Variants in CADM1 observed in about 807,000 individuals in gnomAD.
CADM1 encodes the protein cell adhesion molecule 1, also known as TSLC-1.
A neutral mutation model predicts 53.1 loss-of-function variants in CADM1; 15 were observed. That is an observed-to-expected ratio of 0.28 (90% CI 0.19 to 0.44). The LOEUF (loss-of-function observed/expected upper bound fraction) is 0.44, where lower values mean the gene tolerates loss of function less well. CADM1 is among the 20% of genes least tolerant of loss of function. The pLI is 1.00. For missense variants in CADM1, 434 were observed against 611.3 expected (o/e 0.71, Z 3.06); for synonymous variants, 281 against 243.0 (o/e 1.16, Z -1.45).
chr11:115,289,130 C>T (rs1458483843), intron 1 of CADM1, among the ~76,000 whole-genome samples: 4 of 152,076 alleles, frequency 2.6e-5, no homozygotes, highest in Admixed American at 6.5e-5. Context: ...TCTGAGAGGC[C>T]GAGGCGGGCA....
chr11:115,275,862 T>A (rs552836039), intron 1 of CADM1, among the ~76,000 whole-genome samples: 1 of 152,336 alleles, frequency 6.6e-6, no homozygotes, highest in South Asian at 2.1e-4. Context: ...TTCTTTAAAT[T>A]CAAGCTGGTC....
At chr11:115,498,556 C>T (rs1949669609) in intron 1 of CADM1, among the ~76,000 whole-genome samples, 1 of 152,216 alleles carries the variant, frequency 6.6e-6, no homozygotes, top group Admixed American at 6.5e-5. Context: ...ATTTACACAA[C>T]TGTATTTGCA....
At chr11:115,270,639 A>G (rs1943271078) in intron 1 of CADM1, among the ~76,000 whole-genome samples, 1 of 152,216 alleles carries the variant, frequency 6.6e-6, no homozygotes, top group Admixed American at 6.5e-5. Context: ...AGAAAGCTTT[A>G]CAGACAAATG....
chr11:115,281,546 G>A (rs998746667), intron 1 of CADM1, among the ~76,000 whole-genome samples: 6 of 151,994 alleles, frequency 3.9e-5, no homozygotes, highest in Non-Finnish European at 7.4e-5. Flanking sequence ...TTTAAAAATC[G>A]TGTGATCCAG....
intron 1 of CADM1, among the ~76,000 whole-genome samples, chr11:115,500,552 G>A (rs927048411): frequency 6.6e-6 from 1 of 152,170 alleles, no homozygotes; most frequent in Non-Finnish European, 1.5e-5. Context: ...CCATCAATAA[G>A]AATACAATTT....
intron 1 of CADM1, among the ~76,000 whole-genome samples, chr11:115,428,431 T>C (rs567242660): frequency 6.6e-6 from 1 of 152,220 alleles, no homozygotes; most frequent in Non-Finnish European, 1.5e-5. Context: ...TAAAAAAGAA[T>C]TCATTAAGAA....
chr11:115,317,511 G>T (rs1386855096), intron 1 of CADM1, among the ~76,000 whole-genome samples: 1 of 152,196 alleles, frequency 6.6e-6, no homozygotes, highest in Admixed American at 6.6e-5. Flanking sequence ...TCATACTGAA[G>T]AAAAGGAGAC....
intron 1 of CADM1, among the ~76,000 whole-genome samples, chr11:115,325,196 G>T (rs1202299943): frequency 6.6e-6 from 1 of 152,144 alleles, no homozygotes; most frequent in Non-Finnish European, 1.5e-5. Flanking sequence ...CAATCCCTTA[G>T]ATTATCTCCC....
chr11:115,361,992 G>T (rs751801362), intron 1 of CADM1, among the ~76,000 whole-genome samples: 1 of 151,914 alleles, frequency 6.6e-6, no homozygotes, highest in Non-Finnish European at 1.5e-5. Context: ...CCCCCACCTC[G>T]GCCTCTCAAA....
chr11:115,173,869 C>T lies in CADM1; in HGVS notation c.*2605G>A. The T allele has an allele frequency of 1.0e-6, 1 of 969,524 alleles. No individual in the cohort carries two copies. The highest frequency in any genetic ancestry group is 4.8e-5 in the South Asian group (1 of 20,942). The allele number at this position is 969,524 out of a possible 1,614,324, so 60.1% of individuals were successfully genotyped here. On this transcript the variant is annotated 3_prime_UTR_variant, in exon 12 of 12. Coordinates refer to ENST00000331581, the MANE Select transcript of CADM1 (RefSeq NM_001301043.2). ...ACAAGCTTATTTGGCATCAATTATA[C>T]ATCCTTCATTATTTTATATTCCTTT...
chr11:115,246,570 G>A (rs1942413499), intron 1 of CADM1, among the ~76,000 whole-genome samples: 1 of 152,124 alleles, frequency 6.6e-6, no homozygotes, highest in South Asian at 2.1e-4. Flanking sequence ...GAGCAGATAG[G>A]CCTGAAATCA....
At chr11:115,302,391 A>G (rs1944250510) in intron 1 of CADM1, among the ~76,000 whole-genome samples, 1 of 152,060 alleles carries the variant, frequency 6.6e-6, no homozygotes, top group East Asian at 1.9e-4. Context: ...CCTATAATAA[A>G]CCTACAAATA....
intron 6 of CADM1, among the ~76,000 whole-genome samples, chr11:115,216,285 C>G (rs544666595): frequency 1.3e-5 from 2 of 152,284 alleles, no homozygotes; most frequent in South Asian, 2.1e-4. Flanking sequence ...ACAAACAAAT[C>G]CCTTCTCTGG....
intron 1 of CADM1, among the ~76,000 whole-genome samples, chr11:115,415,372 T>C (rs1029938772): frequency 2.0e-5 from 3 of 152,194 alleles, no homozygotes; most frequent in Non-Finnish European, 2.9e-5. Flanking sequence ...ATACTGATTA[T>C]TTGTTGCACC....
chr11:115,285,009 C>G (rs1323822990), intron 1 of CADM1, among the ~76,000 whole-genome samples: 1 of 152,186 alleles, frequency 6.6e-6, no homozygotes, highest in South Asian at 2.1e-4. Context: ...CAGCCTCTGA[C>G]AGCTCAATCT....
At chr11:115,377,756 G>C (rs1198467779) in intron 1 of CADM1, 1 of 152,082 alleles carries the variant, frequency 6.6e-6, no homozygotes, top group Non-Finnish European at 1.5e-5. Context: ...GTCCACTCTT[G>C]CAAAAGATAC....
At chr11:115,238,817 C>G (rs1031682147) in intron 2 of CADM1, among the ~76,000 whole-genome samples, 165 bp from the exon 3 acceptor site, 1 of 152,026 alleles carries the variant, frequency 6.6e-6, no homozygotes, top group Non-Finnish European at 1.5e-5. Context: ...AGGAAACTTA[C>G]ACATATCAGT....
intron 5 of CADM1, among the ~76,000 whole-genome samples, chr11:115,220,582 C>T (rs1387575123): frequency 6.6e-6 from 1 of 152,166 alleles, no homozygotes; most frequent in Non-Finnish European, 1.5e-5. Context: ...TTAGTCTTGC[C>T]TGCATTATAC....
chr11:115,191,442 G>A (rs369478218), intron 9 of CADM1, among the ~76,000 whole-genome samples: 27 of 152,216 alleles, frequency 1.8e-4, no homozygotes, highest in African/African-American at 6.3e-4. Flanking sequence ...ACTGCAGATT[G>A]CAGGTTATGC....
Sources: gnomAD v4.1 joint callset for allele counts (sites outside exome capture counted in the v4.1 genomes callset) on GRCh38, gnomAD v4.1.1 for gene constraint, MANE v1.5 for transcripts, NCBI Gene and HGNC (gene_info 2026-07-23, HGNC 2026-07-21) for gene names.